DEPDC5: variants seen among roughly 807,000 people sequenced by gnomAD.
DEPDC5 encodes the protein GATOR1 complex protein DEPDC5.
In DEPDC5, 73 loss-of-function variants were observed where a neutral mutation model predicts 217.3. That is an observed-to-expected ratio of 0.34 (90% confidence interval 0.28 to 0.41). The LOEUF (loss-of-function observed/expected upper bound fraction) is 0.41. Among genes scored for constraint, DEPDC5 ranks in the 10% least tolerant of loss-of-function variants. DEPDC5 has a pLI of 1.00. For missense variants in DEPDC5, 1,675 were observed against 2,070.1 expected (o/e 0.81, Z 3.70); for synonymous variants, 733 against 756.7 (o/e 0.97, Z 0.51).
At chr22:31,778,359 G>C (rs1424984728) in intron 8 of DEPDC5, among the ~76,000 whole-genome samples, 191 bp downstream of exon 8, 1 of 152,060 alleles carries the variant, frequency 6.6e-6, no homozygotes, top group Non-Finnish European at 1.5e-5. Flanking sequence ...ATGGTGATGG[G>C]TACCTCTGGT....
chr22:31,895,143 CAAAAAAAAAAAA>C (rs56247667), intron 39 of DEPDC5, among the ~76,000 whole-genome samples: 2 of 57,608 alleles, frequency 3.5e-5, no homozygotes, highest in Non-Finnish European at 7.3e-5. Flanking sequence ...GAATCCGTCT[CAAAAAAAAAAAA>C]AAAAAAAAGG....
chr22:31,883,198 C>A (rs185295111), intron 38 of DEPDC5, among the ~76,000 whole-genome samples: 7 of 152,126 alleles, frequency 4.6e-5, no homozygotes, highest in African/African-American at 1.7e-4. Flanking sequence ...AAAATTACCC[C>A]CAGCTGAGAA....
intron 9 of DEPDC5, chr22:31,784,593 C>T: frequency 2.3e-6 from 1 of 432,394 alleles, no homozygotes; most frequent in South Asian, 2.6e-5. Context: ...GCATTCCAGC[C>T]TGGGAGACAA....
intron 7 of DEPDC5, 39 bp downstream of exon 7, chr22:31,768,902 C>T (rs1448817161): frequency 6.2e-6 from 10 of 1,610,078 alleles, no homozygotes; most frequent in South Asian, 2.2e-5. Flanking sequence ...TGTGCAGTAA[C>T]TGGGCTACAT....
chr22:31,818,222 T>C (rs2089349445), intron 21 of DEPDC5, among the ~76,000 whole-genome samples: 1 of 152,184 alleles, frequency 6.6e-6, no homozygotes, highest in Non-Finnish European at 1.5e-5. Flanking sequence ...TCATACCATC[T>C]CCTTGCCTGG....
chr22:31,802,126 T>A (rs1382594296), intron 14 of DEPDC5, among the ~76,000 whole-genome samples: 1 of 140,384 alleles, frequency 7.1e-6, no homozygotes, highest in Non-Finnish European at 1.6e-5. Context: ...CAGCATGAAT[T>A]TTTTTTTTTT....
intron 12 of DEPDC5, 76 bp from the exon 13 acceptor site, chr22:31,797,524 A>G: frequency 2.5e-6 from 3 of 1,197,110 alleles, no homozygotes; most frequent in Non-Finnish European, 3.7e-6. Flanking sequence ...ACAATTTGAG[A>G]TGAAATTTGG....
At chr22:31,816,510 A>C (rs1237279289) in intron 21 of DEPDC5, 1 of 151,188 alleles carries the variant, frequency 6.6e-6, no homozygotes, top group Non-Finnish European at 1.5e-5. Context: ...AGCTCACTGC[A>C]ACCTCTGCCT....
At chr22:31,900,424 T>G (rs1242701938) in intron 40 of DEPDC5, among the ~76,000 whole-genome samples, 1 of 152,078 alleles carries the variant, frequency 6.6e-6, no homozygotes, top group East Asian at 1.9e-4. Flanking sequence ...CCCTTTCTTG[T>G]GGGAAGATTG....
intron 18 of DEPDC5, among the ~76,000 whole-genome samples, chr22:31,807,641 A>G (rs764222419): frequency 7.9e-5 from 12 of 152,174 alleles, no homozygotes; most frequent in Non-Finnish European, 1.5e-4. Context: ...CATGTTGGCC[A>G]GGGTTGTCTC....
chr22:31,761,558 G>A (rs1402759278), intron 4 of DEPDC5, among the ~76,000 whole-genome samples: 1 of 151,630 alleles, frequency 6.6e-6, no homozygotes, highest in African/African-American at 2.4e-5. Flanking sequence ...AGCTACTCTG[G>A]AGGCTGAGGT....
At chr22:31,870,452 C>T in intron 33 of DEPDC5, 138 bp from the exon 34 acceptor site, 1 of 961,642 alleles carries the variant, frequency 1.0e-6, no homozygotes, top group Non-Finnish European at 1.4e-6. Context: ...TGGGAATGAG[C>T]AGAATGGGAA....
chr22:31,810,776 T>G (rs2088205963), intron 20 of DEPDC5, 135 bp downstream of exon 20: 1 of 1,411,184 alleles, frequency 7.1e-7, no homozygotes, highest in Non-Finnish European at 9.5e-7. Context: ...TTTTTGTTTG[T>G]TTTGTTTTGT....
chr22:31,903,873 G>A (rs1476091580), intron 41 of DEPDC5, among the ~76,000 whole-genome samples: 1 of 151,594 alleles, frequency 6.6e-6, no homozygotes, highest in Non-Finnish European at 1.5e-5. Flanking sequence ...CCCTTGGAGG[G>A]CAGGGGTATG....
chr22:31,847,023 C>T (rs1467155121), intron 31 of DEPDC5, 56 bp downstream of exon 31: 1 of 1,610,382 alleles, frequency 6.2e-7, no homozygotes, highest in African/African-American at 1.4e-5. Context: ...TGAGGGTTTT[C>T]AGTGCCCTGT....
At chr22:31,882,936 T>C (rs986050231) in intron 38 of DEPDC5, among the ~76,000 whole-genome samples, 1 of 152,176 alleles carries the variant, frequency 6.6e-6, no homozygotes, top group South Asian at 2.1e-4. Context: ...TTCTTCCTTT[T>C]CTTGAAAGTG....
At chr22:31,904,550 C>T (rs914581303) in intron 41 of DEPDC5, among the ~76,000 whole-genome samples, 1 of 152,138 alleles carries the variant, frequency 6.6e-6, no homozygotes, top group Non-Finnish European at 1.5e-5. Context: ...CAAGACCAGC[C>T]TGGCCAAAAT....
At chr22:31,869,386 C>G (rs1035329808) in intron 33 of DEPDC5, among the ~76,000 whole-genome samples, 1 of 151,796 alleles carries the variant, frequency 6.6e-6, no homozygotes, top group Non-Finnish European at 1.5e-5. Context: ...AAGGGAGCAG[C>G]GTTTAAAATG....
intron 38 of DEPDC5, among the ~76,000 whole-genome samples, chr22:31,885,894 T>C (rs136873): frequency 1 from 151,978 of 152,010 alleles, 75,973 homozygotes; most frequent in Middle Eastern, 1. Context: ...ATTAGCTGGG[T>C]GTGGTGGCGG....
Sources: gnomAD v4.1 joint callset for allele counts (sites outside exome capture counted in the v4.1 genomes callset) on GRCh38, gnomAD v4.1.1 for gene constraint, MANE v1.5 for transcripts, NCBI Gene and HGNC (gene_info 2026-07-23, HGNC 2026-07-21) for gene names.